The following PDE11A variants were observed in gnomAD, a reference collection of about 807,000 sequenced individuals.
The protein encoded by PDE11A is phosphodiesterase 11A, also known as dual 3',5'-cyclic-AMP and -GMP phosphodiesterase 11A.
PDE11A carries 100 observed loss-of-function variants against 100.5 expected under a neutral mutation model. The ratio of observed to expected loss-of-function variants is 1.00; its 90% CI spans 0.85 to 1.18. PDE11A has a LOEUF of 1.18. Among genes scored for constraint, PDE11A ranks in the 50% most tolerant of loss-of-function variants. The pLI is 0.00. For synonymous variants in PDE11A, 381 were observed against 420.8 expected (o/e 0.91, Z 1.16); for missense variants, 1,141 against 1,152.6 (o/e 0.99, Z 0.15).
chr2:177,929,081 C>T (rs1424408768), intron 2 of PDE11A, among the ~76,000 whole-genome samples: 3 of 152,054 alleles, frequency 2.0e-5, no homozygotes, highest in Non-Finnish European at 4.4e-5. Context: ...GTTGCACAGG[C>T]GAAAAATCCA....
chr2:177,755,171 T>C (rs185661560), intron 10 of PDE11A, among the ~76,000 whole-genome samples: 1 of 152,220 alleles, frequency 6.6e-6, no homozygotes, highest in African/African-American at 2.4e-5. Flanking sequence ...TCCCTGGAAG[T>C]TATATTTATT....
intron 2 of PDE11A, among the ~76,000 whole-genome samples, chr2:178,083,762 A>G (rs2087315347): frequency 6.6e-6 from 1 of 152,254 alleles, no homozygotes; most frequent in African/African-American, 2.4e-5. Context: ...TTTTCATAAA[A>G]TAATATGAAA....
chr2:177,712,766 A>C (rs907652310), intron 12 of PDE11A, among the ~76,000 whole-genome samples: 4 of 152,044 alleles, frequency 2.6e-5, no homozygotes, highest in Non-Finnish European at 5.9e-5. Flanking sequence ...AGGCCTTTAT[A>C]TCTCCCCCTC....
intron 2 of PDE11A, among the ~76,000 whole-genome samples, chr2:177,932,817 C>T (rs2085224059): frequency 6.9e-6 from 1 of 145,620 alleles, no homozygotes; most frequent in Admixed American, 6.9e-5. Context: ...CTAGCCAGAG[C>T]AACTAGGCAA....
intron 1 of PDE11A, among the ~76,000 whole-genome samples, chr2:178,030,732 G>T (rs1204940751): frequency 6.6e-6 from 1 of 152,112 alleles, no homozygotes. Flanking sequence ...TTAAAAATTA[G>T]CCAGGCATGG....
chr2:177,774,495 T>A (rs1018969251), intron 9 of PDE11A, among the ~76,000 whole-genome samples: 1 of 152,248 alleles, frequency 6.6e-6, no homozygotes, highest in Non-Finnish European at 1.5e-5. Context: ...TGGGCTTCCA[T>A]GACACCACAT....
chr2:177,858,549 C>T (rs2083885942), intron 5 of PDE11A, among the ~76,000 whole-genome samples: 1 of 152,004 alleles, frequency 6.6e-6, no homozygotes, highest in African/African-American at 2.4e-5. Context: ...CAATGAGATA[C>T]CATCTCACAC....
At chr2:177,681,781 C>G (rs2080869689) in intron 15 of PDE11A, among the ~76,000 whole-genome samples, 1 of 152,116 alleles carries the variant, frequency 6.6e-6, no homozygotes, top group African/African-American at 2.4e-5. Context: ...TACAGCTGAC[C>G]AGCATTAACA....
At position 178,026,647 on chromosome 2, in the gene PDE11A, C is replaced by T. The variant is rs373698364; in HGVS notation, c.913-12187G>A. Among the ~76,000 whole-genome samples the T allele has an allele frequency of 1.4e-4, 20 of 147,170 alleles. No individual in the cohort carries two copies. The East Asian group carries it at 2.8e-3, about 20-fold the overall frequency. On this transcript the variant is annotated intron_variant, in intron 1 of 19. Coordinates refer to ENST00000286063, the MANE Select transcript of PDE11A (RefSeq NM_016953.4). ...CTGCACTCCAGCCTGTGCAACAGAG[C>T]GAGACTCTGTCTCAAAAAAAAAAAA... is the stretch of plus-strand genomic sequence containing the variant.
chr2:178,072,803 A>C, upstream of PDE11A: 1 of 1,218,884 alleles, frequency 8.2e-7, no homozygotes, highest in South Asian at 1.6e-5. Context: ...TGTGACAGGG[A>C]GGTAGGGCAG....
rs145978144 is a variant in PDE11A, at chr2:177,730,174, C to T, written c.1789-2002G>A. 4.0e-3 allele frequency among the ~76,000 whole-genome samples: 611 copies of T among 152,098 alleles called. 6 individuals are homozygous for T. Among genetic ancestry groups the T allele is most frequent in the African/African-American group, 0.014 (570 of 41,480 alleles). On this transcript the variant is annotated intron_variant, in intron 10 of 19. Transcript: ENST00000286063. ...CATGTGCCACGTTGGTGTGTTGCAC[C>T]CATTAACTCGTCATTTACATTAGGT...
intron 19 of PDE11A, among the ~76,000 whole-genome samples, chr2:177,648,815 G>A (rs904726542): frequency 1.3e-5 from 2 of 152,002 alleles, no homozygotes; most frequent in African/African-American, 4.8e-5. Context: ...AAACTGATGT[G>A]AAGAAAACTA....
chr2:177,968,092 T>G (rs1406194714), intron 2 of PDE11A, among the ~76,000 whole-genome samples: 1 of 152,156 alleles, frequency 6.6e-6, no homozygotes, highest in Non-Finnish European at 1.5e-5. Flanking sequence ...GGGAGAGTGG[T>G]GATTAGGTGT....
intron 10 of PDE11A, among the ~76,000 whole-genome samples, chr2:177,756,717 G>A (rs1307378571): frequency 2.0e-5 from 3 of 152,212 alleles, no homozygotes; most frequent in Non-Finnish European, 4.4e-5. Flanking sequence ...TTTGCCCTTT[G>A]GAGAAAATAA....
intron 5 of PDE11A, among the ~76,000 whole-genome samples, chr2:177,862,057 A>T (rs1379819217): frequency 1.3e-5 from 2 of 151,894 alleles, no homozygotes; most frequent in African/African-American, 4.8e-5. Context: ...CAAAAAAATT[A>T]TAAATTGAAT....
chr2:177,741,728 A>G (rs2081873640), intron 10 of PDE11A, among the ~76,000 whole-genome samples: 1 of 152,236 alleles, frequency 6.6e-6, no homozygotes. Context: ...CACTGGAGGA[A>G]AACATGATAC....
chr2:177,658,171 G>A (rs939686933), intron 19 of PDE11A, among the ~76,000 whole-genome samples: 1 of 152,122 alleles, frequency 6.6e-6, no homozygotes, highest in African/African-American at 2.4e-5. Flanking sequence ...GTGTACCAGG[G>A]GTCCTTCTCT....
intron 2 of PDE11A, among the ~76,000 whole-genome samples, chr2:177,937,939 CA>C (rs1234786989): frequency 6.6e-6 from 1 of 152,100 alleles, no homozygotes; most frequent in Non-Finnish European, 1.5e-5. Flanking sequence ...ATGCAAAAGA[CA>C]AAAGGACATA....
chr2:177,851,396 G>C (rs1227391844), intron 5 of PDE11A, among the ~76,000 whole-genome samples: 1 of 151,970 alleles, frequency 6.6e-6, no homozygotes, highest in Non-Finnish European at 1.5e-5. Context: ...GGGGTGGGGG[G>C]ATCGGGGAGG....
Sources: allele counts gnomAD v4.1 joint callset (sites outside exome capture counted in the v4.1 genomes callset), GRCh38; gene constraint gnomAD v4.1.1; transcripts MANE v1.5; gene names NCBI Gene and HGNC (gene_info 2026-07-23, HGNC 2026-07-21).